MGAT4C: variants seen among roughly 807,000 people sequenced by gnomAD.
MGAT4C encodes MGAT4 family member C.
A neutral mutation model predicts 40.1 loss-of-function variants in MGAT4C; 19 were observed. The observed-to-expected ratio is 0.47, with a 90% CI of 0.33 to 0.70. The LOEUF (loss-of-function observed/expected upper bound fraction) is 0.70, where lower values mean the gene tolerates loss of function less well. Ranked by LOEUF, MGAT4C falls within the 30% of genes least tolerant of loss-of-function variation. The pLI is 0.02. For missense variants in MGAT4C, 491 were observed against 563.2 expected, an observed-to-expected ratio of 0.87 and a Z score of 1.30; for synonymous variants, 181 against 187.1, an observed-to-expected ratio of 0.97 and a Z score of 0.27.
intron 2 of MGAT4C, among the ~76,000 whole-genome samples, chr12:86,590,946 G>A (rs1961305836): frequency 6.6e-6 from 1 of 151,976 alleles, no homozygotes; most frequent in Admixed American, 6.6e-5. Context: ...AAATGCATCA[G>A]AAAGTTTATG....
At chr12:86,493,652 TG>T (rs1485600715) in intron 2 of MGAT4C, among the ~76,000 whole-genome samples, 3 of 74,578 alleles carry the variant, frequency 4.0e-5, no homozygotes, top group South Asian at 8.4e-4. Flanking sequence ...TGTCGTGGGG[TG>T]GGGGGACGGG....
At chr12:86,295,892 C>T (rs138491506) in intron 4 of MGAT4C, among the ~76,000 whole-genome samples, 127,095 of 148,388 alleles carry the variant, frequency 0.86, 54,545 homozygotes, top group East Asian at 0.95. Flanking sequence ...TTGAGCTAAA[C>T]ACAGGGTGCC....
chr12:86,293,480 T>G (rs2136130632), intron 4 of MGAT4C, among the ~76,000 whole-genome samples: 1 of 152,280 alleles, frequency 6.6e-6, no homozygotes. Context: ...CTCAGGATTT[T>G]AATTTTTTTG....
chr12:86,381,782 A>G (rs2136220457), intron 3 of MGAT4C, among the ~76,000 whole-genome samples: 1 of 152,088 alleles, frequency 6.6e-6, no homozygotes, highest in African/African-American at 2.4e-5. Context: ...TGTGGGAGGG[A>G]CCTGGTGGGA....
At chr12:86,426,624 C>CT (rs1231834506) in intron 3 of MGAT4C, among the ~76,000 whole-genome samples, 1 of 152,052 alleles carries the variant, frequency 6.6e-6, no homozygotes, top group African/African-American at 2.4e-5. Context: ...CCATTCAGTG[C>CT]TATATAAAGA....
At chr12:86,544,797 A>G (rs1959184626) in intron 2 of MGAT4C, among the ~76,000 whole-genome samples, 1 of 152,102 alleles carries the variant, frequency 6.6e-6, no homozygotes, top group South Asian at 2.1e-4. Context: ...TGGAACTTAG[A>G]AATATAGTAC....
At chr12:86,066,056 G>C (rs568674028) in intron 1 of MGAT4C, among the ~76,000 whole-genome samples, 5 of 152,210 alleles carry the variant, frequency 3.3e-5, no homozygotes, top group East Asian at 3.9e-4. Flanking sequence ...AAGGAAATAA[G>C]AGATGACACA....
rs960112100 is a variant in MGAT4C, at chr12:86,552,353, G to A, written c.-228-117088C>T. Among the ~76,000 whole-genome samples the A allele has an allele frequency of 4.6e-5, 7 of 151,950 alleles. No homozygotes were observed. The South Asian group carries it at 1.0e-3, about 22-fold the overall frequency. On this transcript the variant is annotated intron_variant, in intron 2 of 7. Coordinates refer to the MGAT4C transcript ENST00000548651. ...TCCTAGAAGTATAAAGGAGAACAGA[G>A]GATAATACAGGTTAGGAAGGGCAAG...
chr12:86,387,701 T>G (rs1956080252), intron 3 of MGAT4C, among the ~76,000 whole-genome samples: 1 of 152,122 alleles, frequency 6.6e-6, no homozygotes, highest in Non-Finnish European at 1.5e-5. Flanking sequence ...AAGCCCATTA[T>G]TACTGAAGCT....
At chr12:86,748,476 A>G (rs1346263234) in intron 1 of MGAT4C, among the ~76,000 whole-genome samples, 4 of 151,738 alleles carry the variant, frequency 2.6e-5, no homozygotes, top group Non-Finnish European at 5.9e-5. Flanking sequence ...ATTCAAGGAT[A>G]ATTGACTTTA....
At chr12:86,728,902 C>G (rs1440699973) in intron 1 of MGAT4C, among the ~76,000 whole-genome samples, 1 of 152,114 alleles carries the variant, frequency 6.6e-6, no homozygotes, top group Admixed American at 6.5e-5. Flanking sequence ...CTTTCGATAT[C>G]AATTCAAATA....
At position 85,959,764 on chromosome 12, in the gene MGAT4C, T is replaced by G. The variant is rs1411076953; in HGVS notation, c.*19525A>C. 1.3e-5 allele frequency: 2 copies of G among 151,840 alleles called. No individual in the cohort carries two copies. The highest frequency in any genetic ancestry group is 2.9e-5 in the Non-Finnish European group (2 of 67,920). The allele number at this position is 151,840 out of a possible 1,614,324, so 9.4% of individuals were successfully genotyped here. On this transcript the variant is annotated 3_prime_UTR_variant, in exon 5 of 5. Coordinates refer to ENST00000611864, the MANE Select transcript of MGAT4C (RefSeq NM_001351288.2). ...TCGAGATCAATATTCATTGTTTTCT[T>G]CTGGGTTAACTCTTTTTTATGTTAA...
intron 2 of MGAT4C, among the ~76,000 whole-genome samples, chr12:86,564,288 A>T (rs1458492729): frequency 6.6e-6 from 1 of 152,046 alleles, no homozygotes; most frequent in Non-Finnish European, 1.5e-5. Flanking sequence ...TGATTTGGCA[A>T]ATCCCTTTTT....
At chr12:86,055,712 A>T (rs1893318891) in intron 1 of MGAT4C, among the ~76,000 whole-genome samples, 1 of 151,776 alleles carries the variant, frequency 6.6e-6, no homozygotes, top group Non-Finnish European at 1.5e-5. Context: ...TTTTTCTGAC[A>T]CTCAACTGGC....
At chr12:86,420,849 A>T (rs1388227540) in intron 3 of MGAT4C, among the ~76,000 whole-genome samples, 1 of 149,570 alleles carries the variant, frequency 6.7e-6, no homozygotes, top group African/African-American at 2.5e-5. Context: ...ACATATGTAT[A>T]TACATATATA....
chr12:86,702,309 T>C (rs1037610561), intron 2 of MGAT4C, among the ~76,000 whole-genome samples: 5 of 151,862 alleles, frequency 3.3e-5, no homozygotes, highest in Admixed American at 2.0e-4. Flanking sequence ...CCTCCCAAAA[T>C]GCTGGGATTA....
chr12:86,325,893 A>G (rs2136167507), intron 4 of MGAT4C, among the ~76,000 whole-genome samples: 1 of 152,090 alleles, frequency 6.6e-6, no homozygotes, highest in East Asian at 1.9e-4. Context: ...GAAAAAAAAA[A>G]ATAATAATGC....
At chr12:86,268,105 C>A (rs1952836168) in intron 4 of MGAT4C, among the ~76,000 whole-genome samples, 1 of 152,042 alleles carries the variant, frequency 6.6e-6, no homozygotes, top group African/African-American at 2.4e-5. Context: ...ATTATAAATT[C>A]TTTTAAGCCA....
rs191903931 is a variant in MGAT4C, at chr12:86,687,595, C to T, written c.-229+39614G>A. 3.8e-3 allele frequency among the ~76,000 whole-genome samples: 571 copies of T among 152,240 alleles called. 6 individuals carry two copies. The highest frequency in any genetic ancestry group is 0.013 in the African/African-American group (549 of 41,542). ...ATTTCTGACTTTATTTTGTTATTTACGCAGTAGTCATTCAGGAGCAGGTTG... is the reference window on the plus strand; with the variant it reads ...ATTTCTGACTTTATTTTGTTATTTATGCAGTAGTCATTCAGGAGCAGGTTG... On this transcript the variant is annotated intron_variant, in intron 2 of 7. Transcript: ENST00000548651.
Sources: gnomAD v4.1 joint callset for allele counts (sites outside exome capture counted in the v4.1 genomes callset) on GRCh38, gnomAD v4.1.1 for gene constraint, MANE v1.5 for transcripts, NCBI Gene and HGNC (gene_info 2026-07-23, HGNC 2026-07-21) for gene names.